Variants in CLDN14 observed in about 807,000 individuals in gnomAD.
CLDN14 encodes the protein claudin-14.
Under a neutral mutation model 2.1 loss-of-function variants are expected in CLDN14, and 2 were observed. That is an observed-to-expected ratio of 0.96 (90% CI 0.39 to 3.01). The LOEUF is 3.01. Ranked by LOEUF, CLDN14 falls within the 30% of genes most tolerant of loss-of-function variation. The pLI is 0.09. For missense variants in CLDN14, 298 were observed against 328.0 expected (o/e 0.91, Z 0.71); for synonymous variants, 136 against 154.4 (o/e 0.88, Z 0.88).
intron 1 of CLDN14, among the ~76,000 whole-genome samples, chr21:36,566,590 T>G (rs2087674380): frequency 1.3e-5 from 2 of 152,228 alleles, no homozygotes; most frequent in African/African-American, 4.8e-5. Flanking sequence ...AAGTGCTTGC[T>G]CTTACAATTT....
chr21:36,462,856 T>C (rs2086595655), intron 1 of CLDN14, among the ~76,000 whole-genome samples: 1 of 150,558 alleles, frequency 6.6e-6, no homozygotes, highest in Non-Finnish European at 1.5e-5. Flanking sequence ...AGGCTGAGGT[T>C]GCAGTGAGCC....
chr21:36,484,732 G>C (rs1198837063), upstream of CLDN14, among the ~76,000 whole-genome samples: 1 of 151,598 alleles, frequency 6.6e-6, no homozygotes, highest in South Asian at 2.1e-4. Flanking sequence ...TCTTTTTTGA[G>C]ACAGAGTTTC....
intron 1 of CLDN14, among the ~76,000 whole-genome samples, chr21:36,533,139 T>C (rs1283417104): frequency 6.6e-6 from 1 of 152,090 alleles, no homozygotes; most frequent in Non-Finnish European, 1.5e-5. Context: ...GTGGGGCCGG[T>C]CGGTAATGGA....
At chr21:36,464,946 T>G (rs1362305432) in intron 1 of CLDN14, among the ~76,000 whole-genome samples, 3 of 152,134 alleles carry the variant, frequency 2.0e-5, no homozygotes, top group African/African-American at 7.2e-5. Context: ...AGCAACAGAT[T>G]CTCCTTCCCA....
At chr21:36,548,777 G>C (rs541643764) in intron 1 of CLDN14, among the ~76,000 whole-genome samples, 2 of 152,238 alleles carry the variant, frequency 1.3e-5, no homozygotes, top group African/African-American at 4.8e-5. Flanking sequence ...GAAGAGCTAA[G>C]AGCTCCTCCA....
chr21:36,511,927 T>C (rs1415422654), intron 1 of CLDN14, among the ~76,000 whole-genome samples: 2 of 152,186 alleles, frequency 1.3e-5, no homozygotes, highest in African/African-American at 4.8e-5. Context: ...TATGTAGCTG[T>C]GACTGCCTCA....
chr21:36,507,980 A>G (rs2087148574), intron 2 of CLDN14, among the ~76,000 whole-genome samples: 1 of 152,226 alleles, frequency 6.6e-6, no homozygotes, highest in South Asian at 2.1e-4. Flanking sequence ...ATAAATAAAA[A>G]TATACACACA....
chr21:36,520,759 C>T (rs2087263454), intron 1 of CLDN14, among the ~76,000 whole-genome samples: 1 of 152,164 alleles, frequency 6.6e-6, no homozygotes, highest in South Asian at 2.1e-4. Flanking sequence ...CAAGTCACAA[C>T]AGATGGAGAC....
intron 1 of CLDN14, among the ~76,000 whole-genome samples, chr21:36,465,812 G>A (rs1274551676): frequency 6.6e-6 from 1 of 152,222 alleles, no homozygotes; most frequent in Non-Finnish European, 1.5e-5. Flanking sequence ...AAAACAAATA[G>A]GGTTCCAAGC....
intron 1 of CLDN14, among the ~76,000 whole-genome samples, chr21:36,554,508 T>G (rs1031614424): frequency 6.6e-6 from 1 of 152,122 alleles, no homozygotes; most frequent in Admixed American, 6.5e-5. Flanking sequence ...GCCCGCCTTG[T>G]TGGGAGTGTT....
At chr21:36,521,617 A>G (rs2087271519) in intron 1 of CLDN14, among the ~76,000 whole-genome samples, 1 of 152,176 alleles carries the variant, frequency 6.6e-6, no homozygotes, top group Non-Finnish European at 1.5e-5. Context: ...TATTCCACAC[A>G]TTGGAGGTCC....
At chr21:36,509,296 G>A (rs1364202555) in intron 2 of CLDN14, among the ~76,000 whole-genome samples, 1 of 152,170 alleles carries the variant, frequency 6.6e-6, no homozygotes, top group Non-Finnish European at 1.5e-5. Flanking sequence ...GCTGGAGAAC[G>A]CAACTGGGAA....
intron 1 of CLDN14, among the ~76,000 whole-genome samples, chr21:36,546,799 C>T (rs762436248): frequency 5.9e-5 from 9 of 152,086 alleles, no homozygotes; most frequent in Non-Finnish European, 7.4e-5. Context: ...CGTAAGTCTC[C>T]CAAATTCTTT....
At chr21:36,537,516 G>A (rs2087434058) in intron 1 of CLDN14, among the ~76,000 whole-genome samples, 3 of 152,166 alleles carry the variant, frequency 2.0e-5, no homozygotes, top group Admixed American at 6.5e-5. Flanking sequence ...AAAAATTAAT[G>A]TTATGAGGTA....
chr21:36,539,560 G>T (rs1236566476), intron 1 of CLDN14, among the ~76,000 whole-genome samples: 1 of 147,036 alleles, frequency 6.8e-6, no homozygotes, highest in Non-Finnish European at 1.5e-5. Context: ...AGTGTGTGTG[G>T]AGTGAGTGTG....
intron 2 of CLDN14, chr21:36,486,592 C>T: frequency 1.9e-6 from 3 of 1,550,874 alleles, no homozygotes; most frequent in Non-Finnish European, 2.7e-6. Context: ...GCACTGCCAC[C>T]AGATGAGAAC....
chr21:36,558,285 AT>A (rs2087612237), intron 1 of CLDN14, among the ~76,000 whole-genome samples: 1 of 152,124 alleles, frequency 6.6e-6, no homozygotes, highest in Admixed American at 6.6e-5. Flanking sequence ...CTGGTTTCAT[AT>A]GAATTTTAGG....
At chr21:36,515,398 C>G (rs958988462) in intron 1 of CLDN14, among the ~76,000 whole-genome samples, 1 of 152,054 alleles carries the variant, frequency 6.6e-6, no homozygotes, top group Admixed American at 6.5e-5. Flanking sequence ...AGTGGCCGGG[C>G]CTGGTGGCTC....
At chr21:36,573,543 A>G (rs1267927159) in intron 1 of CLDN14, among the ~76,000 whole-genome samples, 1 of 152,170 alleles carries the variant, frequency 6.6e-6, no homozygotes, top group Non-Finnish European at 1.5e-5. Context: ...CAAAACTATC[A>G]ACACCACTAC....
Sources: gnomAD v4.1 joint callset for allele counts (sites outside exome capture counted in the v4.1 genomes callset) on GRCh38, gnomAD v4.1.1 for gene constraint, MANE v1.5 for transcripts, NCBI Gene and HGNC (gene_info 2026-07-23, HGNC 2026-07-21) for gene names.